The following CNR1 variants were observed in gnomAD, a reference collection of about 807,000 sequenced individuals.
CNR1 encodes the protein cannabinoid receptor 1.
Under a neutral mutation model 23.0 loss-of-function variants are expected in CNR1, and 10 were observed. That is an observed-to-expected ratio of 0.43 (90% CI 0.27 to 0.74). The LOEUF is 0.74. Ranked by LOEUF, CNR1 falls within the 30% of genes least tolerant of loss-of-function variation. The pLI is 0.19. For missense variants in CNR1, 422 were observed against 618.8 expected (o/e 0.68, Z 3.37); for synonymous variants, 271 against 255.2 (o/e 1.06, Z -0.59).
chr6:88,160,345 C>T (rs920168608), intron 1 of CNR1, among the ~76,000 whole-genome samples: 1 of 151,238 alleles, frequency 6.6e-6, no homozygotes, highest in Non-Finnish European at 1.5e-5. Flanking sequence ...CTTTTTGACC[C>T]GAAGAAATCA....
chr6:88,146,166 C>T (rs1208462881), intron 1 of CNR1, among the ~76,000 whole-genome samples: 1 of 151,924 alleles, frequency 6.6e-6, no homozygotes, highest in African/African-American at 2.4e-5. Context: ...AGTGCAGTGG[C>T]ACGATCTGGG....
rs1397484840 is a variant in CNR1 at position 88,160,353 on chromosome 6, T to A, written c.-64+5450A>T. Among the ~76,000 whole-genome samples the A allele has an allele frequency of 2.0e-5, 3 of 151,670 alleles. No homozygotes were observed. In the East Asian group the frequency reaches 5.8e-4, roughly 29 times the overall value. On this transcript the variant is annotated intron_variant, in intron 1 of 1. Coordinates refer to ENST00000369501, the MANE Select transcript of CNR1 (RefSeq NM_016083.6). ...TTTTTAGCTTTTTGACCCGAAGAAA[T>A]CAATGTTATGAATTACCTAGTACAA...
chr6:88,151,435 T>C (rs1405525347), intron 1 of CNR1, among the ~76,000 whole-genome samples: 1 of 152,206 alleles, frequency 6.6e-6, no homozygotes, highest in Non-Finnish European at 1.5e-5. Flanking sequence ...AGATTGGTGT[T>C]AGATGGTACT....
rs551278271 is a variant in CNR1, at chr6:88,141,667, C to T, written c.*2189G>A. 1 of 152,488 alleles carries T rather than the reference C, an allele frequency of 6.6e-6. No homozygotes were observed. Among genetic ancestry groups the T allele is most frequent in the South Asian group, 2.1e-4 (1 of 4,828 alleles). The allele number at this position is 152,488 out of a possible 1,614,324, so 9.4% of individuals were successfully genotyped here. A position where few individuals can be genotyped will look rare whatever the true frequency, so the allele number is the denominator to read the frequency against. ...CTCCTGTCTTTAGAAAGAGATCTTA[C>T]TAATCCTCTAGCACCCTGAGCCTTC... On this transcript the variant is annotated 3_prime_UTR_variant, in exon 2 of 2. Transcript: ENST00000369501.
intron 1 of CNR1, among the ~76,000 whole-genome samples, chr6:88,158,640 G>A (rs1050038352): frequency 1.5e-4 from 23 of 152,194 alleles, no homozygotes; most frequent in Non-Finnish European, 3.4e-4. Flanking sequence ...GCCTTTAGGA[G>A]GCTCTAGCAC....
Position 88,143,953 on chromosome 6 carries a change from C to G in CNR1, c.1322G>C (p.Ser441Thr), listed in dbSNP as rs1355397210. Reference protein sequence around the residue: ...CLHKHANNAASVHRAAESCIK... With the variant: ...CLHKHANNAATVHRAAESCIK... ...GCAGCTTTCTGCGGCCCTGTGAACA[C>G]TGGCTGCATTGTTTGCGTGTTTGTG... Residue 441 changes from serine (S) to threonine (T), a missense_variant, in exon 2 of 2, where the codon AGT (serine) becomes ACT (threonine). By Grantham distance (58) the Ser-to-Thr change is moderately conservative. This residue lies in a region of CNR1 where 79 missense variants were observed against 98.0 expected (regional missense o/e 0.81). Coordinates refer to ENST00000369501, the MANE Select transcript of CNR1 (RefSeq NM_016083.6). The G allele has an allele frequency of 1.2e-6, 2 of 1,614,020 alleles. No individual in the cohort carries two copies. The highest frequency in any genetic ancestry group is 1.3e-5 in the African/African-American group (1 of 74,920).
rs1327062658 is a variant in CNR1, at chr6:88,166,127, C to T, written c.-388G>A. 2.0e-5 allele frequency: 3 copies of T among 152,092 alleles called. No homozygotes were observed. The highest frequency in any genetic ancestry group is 4.4e-5 in the Non-Finnish European group (3 of 68,024). The allele number at this position is 152,092 out of a possible 1,614,324, so 9.4% of individuals were successfully genotyped here. A position where few individuals can be genotyped will look rare whatever the true frequency, so the allele number is the denominator to read the frequency against. ...GTCAGCAAGTCAGTCCGTCCGAGCGCCGGCGTCCCGGTCTCCAGCGCCCGC... is the reference window on the plus strand; with the variant it reads ...GTCAGCAAGTCAGTCCGTCCGAGCGTCGGCGTCCCGGTCTCCAGCGCCCGC... On this transcript the variant is annotated 5_prime_UTR_variant, in exon 1 of 2. Transcript: ENST00000369501.
At chr6:88,146,148 C>T (rs1777173097) in intron 1 of CNR1, among the ~76,000 whole-genome samples, 1 of 152,044 alleles carries the variant, frequency 6.6e-6, no homozygotes, top group East Asian at 1.9e-4. Context: ...GCTCTGCCAC[C>T]AGGCTGGAGT....
At chr6:88,159,982 C>G (rs1778003125) in intron 1 of CNR1, among the ~76,000 whole-genome samples, 1 of 147,308 alleles carries the variant, frequency 6.8e-6, no homozygotes. Flanking sequence ...CCTAAATGAT[C>G]TTTTTTTTTT....
intron 1 of CNR1, chr6:88,164,161 C>T (rs952173807): frequency 1.3e-5 from 2 of 152,284 alleles, no homozygotes; most frequent in African/African-American, 4.8e-5. Context: ...TTGTGAAAGG[C>T]CAGAATTGGG....
At position 88,157,446 on chromosome 6, in the gene CNR1, T is replaced by C. The variant is rs554741533; in HGVS notation, c.-64+8357A>G. On this transcript the variant is annotated intron_variant, in intron 1 of 1. Transcript: ENST00000369501. ...TATTTTACAACTGAATTAATTAAAATACAAATAGGAAAATATGTTATGGAG... is the reference window on the plus strand; with the variant it reads ...TATTTTACAACTGAATTAATTAAAACACAAATAGGAAAATATGTTATGGAG... Among the ~76,000 whole-genome samples the C allele has an allele frequency of 5.9e-5, 9 of 152,330 alleles. No homozygotes were observed. The South Asian group carries it at 1.7e-3, about 28-fold the overall frequency.
intron 1 of CNR1, among the ~76,000 whole-genome samples, chr6:88,147,456 G>T (rs886526572): frequency 5.2e-4 from 79 of 152,198 alleles, no homozygotes; most frequent in African/African-American, 1.8e-3. Context: ...GCTGAAGGAG[G>T]TTTCCCCAAG....
intron 1 of CNR1, among the ~76,000 whole-genome samples, chr6:88,146,796 G>C (rs1274249325): frequency 6.6e-6 from 1 of 152,114 alleles, no homozygotes; most frequent in African/African-American, 2.4e-5. Flanking sequence ...CACTGTATGG[G>C]GTTGGGGGAG....
intron 1 of CNR1, among the ~76,000 whole-genome samples, chr6:88,159,106 C>A (rs1243250829): frequency 6.6e-6 from 1 of 152,132 alleles, no homozygotes; most frequent in African/African-American, 2.4e-5. Context: ...AAAGGCTATG[C>A]AAAGCTTTAT....
At chr6:88,151,381 C>A (rs1777509064) in intron 1 of CNR1, among the ~76,000 whole-genome samples, 1 of 152,090 alleles carries the variant, frequency 6.6e-6, no homozygotes, top group Admixed American at 6.6e-5. Context: ...CTGATTCCAA[C>A]CAGTCAAAGC....
At chr6:88,160,139 C>T (rs11751829) in intron 1 of CNR1, among the ~76,000 whole-genome samples, 30,144 of 151,804 alleles carry the variant, frequency 0.2, 3,265 homozygotes, top group Middle Eastern at 0.29. Context: ...ACCAGCGTGG[C>T]CAACATGGTG....
chr6:88,167,311 G>A (rs1188477682), upstream of CNR1, among the ~76,000 whole-genome samples: 1 of 152,198 alleles, frequency 6.6e-6, no homozygotes, highest in Non-Finnish European at 1.5e-5. Flanking sequence ...GGAATTAGGG[G>A]ACATGCTCGT....
At chr6:88,153,064 T>C (rs1777611908) in intron 1 of CNR1, among the ~76,000 whole-genome samples, 1 of 152,242 alleles carries the variant, frequency 6.6e-6, no homozygotes, top group South Asian at 2.1e-4. Context: ...GTGTAAGCTA[T>C]ATAAATCATG....
chr6:88,142,759 A>G lies in CNR1; in HGVS notation c.*1097T>C, dbSNP rs1776894361. On this transcript the variant is annotated 3_prime_UTR_variant, in exon 2 of 2. Transcript: ENST00000369501. ...ACTGTAACAGTTACAGGACAGAAACACACATACACACATTTATATTCACAC... is the reference window on the plus strand; with the variant it reads ...ACTGTAACAGTTACAGGACAGAAACGCACATACACACATTTATATTCACAC... The G allele has an allele frequency of 6.6e-6, 1 of 152,548 alleles. No individual in the cohort carries two copies. Among genetic ancestry groups the G allele is most frequent in the African/African-American group, 2.4e-5 (1 of 41,414 alleles). 9.4% of individuals were successfully genotyped at this position (152,548 alleles called of 1,614,324 possible).
Sources: gnomAD v4.1 joint callset for allele counts (sites outside exome capture counted in the v4.1 genomes callset) on GRCh38, gnomAD v4.1.1 for gene constraint, gnomAD v4.1.1 regional missense constraint, MANE v1.5 for transcripts, NCBI Gene and HGNC (gene_info 2026-07-23, HGNC 2026-07-21) for gene names.